RYR2: variants seen among roughly 807,000 people sequenced by gnomAD.
RYR2 encodes the protein cardiac muscle ryanodine receptor-calcium release channel.
A neutral mutation model predicts 601.1 loss-of-function variants in RYR2; 227 were observed. That is an observed-to-expected ratio of 0.38 (90% CI 0.34 to 0.42). The LOEUF (loss-of-function observed/expected upper bound fraction) is 0.42. RYR2 is among the 10% of genes least tolerant of loss of function. RYR2 has a pLI of 1.00. For missense variants in RYR2, 4,646 were observed against 6,156.5 expected, an observed-to-expected ratio of 0.75 and a Z score of 8.21; for synonymous variants, 2,223 against 2,175.1, an observed-to-expected ratio of 1.02 and a Z score of -0.61.
intron 101 of RYR2, among the ~76,000 whole-genome samples, chr1:237,820,189 A>T (rs1242021795): frequency 1.4e-5 from 1 of 73,192 alleles, no homozygotes; most frequent in Admixed American, 1.3e-4. Context: ...CTCCATCTCA[A>T]AAAAAAAAAA....
At position 237,635,606 on chromosome 1, in the gene RYR2, T is replaced by G. The variant is rs572256811; in HGVS notation, c.6792+614T>G. Reference sequence around the variant, plus strand: ...CATTCCAAGTAGTCACCTGATTTTTTTTCCTTGCTCACCTGGCATCTGTTC... The same window carrying G: ...CATTCCAAGTAGTCACCTGATTTTTGTTCCTTGCTCACCTGGCATCTGTTC... On this transcript the variant is annotated intron_variant, in intron 44 of 104. Transcript: ENST00000366574. Among the ~76,000 whole-genome samples the G allele has an allele frequency of 6.6e-4, 101 of 152,316 alleles. 1 individual carries two copies. The highest frequency in any genetic ancestry group is 2.2e-3 in the African/African-American group (90 of 41,566).
In RYR2 at chr1:237,386,246, G is replaced by C. The variant is rs1255174552; in HGVS notation, c.577-1035G>C. On this transcript the variant is annotated intron_variant, in intron 8 of 104. Coordinates refer to ENST00000366574, the MANE Select transcript of RYR2 (RefSeq NM_001035.3). ...ATATCACAATGTTTAAAGTTTCTTT[G>C]GTTTTATTTTTAAGAGAAAGAGAGT... 2.0e-5 allele frequency among the ~76,000 whole-genome samples: 3 copies of C among 152,072 alleles called. No homozygotes were observed. The East Asian group carries it at 5.8e-4, about 29-fold the overall frequency.
chr1:237,322,188 C>T (rs955191688), intron 2 of RYR2, among the ~76,000 whole-genome samples: 7 of 152,150 alleles, frequency 4.6e-5, no homozygotes, highest in African/African-American at 1.7e-4. Context: ...CACCTGCAAA[C>T]AGTGAGATGG....
At chr1:237,051,796 C>A (rs1229970919) in intron 1 of RYR2, among the ~76,000 whole-genome samples, 1 of 152,122 alleles carries the variant, frequency 6.6e-6, no homozygotes, top group Non-Finnish European at 1.5e-5. Context: ...GGCAGTGGAG[C>A]GACAGTTTCA....
At chr1:237,416,759 C>CAGAGAGAGAGAGAGAGAG (rs5781955) in intron 10 of RYR2, among the ~76,000 whole-genome samples, 2 of 138,914 alleles carry the variant, frequency 1.4e-5, no homozygotes, top group African/African-American at 5.6e-5. Flanking sequence ...AACACACACA[C>CAGAGAGAGAGAGAGAGAG]ACACAGAGAG....
At chr1:237,071,959 G>A (rs1014687939) in intron 1 of RYR2, among the ~76,000 whole-genome samples, 5 of 152,242 alleles carry the variant, frequency 3.3e-5, no homozygotes, top group South Asian at 4.1e-4. Flanking sequence ...GCCCGGGCTC[G>A]GCTTCTACTT....
chr1:237,803,501 C>T lies in RYR2; in HGVS notation c.14151+1585C>T, dbSNP rs538680895. On this transcript the variant is annotated intron_variant, in intron 98 of 104. Transcript: ENST00000366574. ...ACTTTTAGTAGAGACGGGGTTTCAC[C>T]ATGTTAGCCAGGATGGTCTCGATCT... Among the ~76,000 whole-genome samples, 173 of 152,170 alleles carry T rather than the reference C, an allele frequency of 1.1e-3. 1 individual carries two copies. The highest frequency in any genetic ancestry group is 2.9e-3 in the African/African-American group (122 of 41,528).
At chr1:237,240,361 T>G (rs1478201419) in intron 1 of RYR2, among the ~76,000 whole-genome samples, 1 of 152,136 alleles carries the variant, frequency 6.6e-6, no homozygotes, top group Non-Finnish European at 1.5e-5. Flanking sequence ...TTGTGACCCT[T>G]GGTTTATATA....
At chr1:237,077,535 T>C (rs1665124670) in intron 1 of RYR2, among the ~76,000 whole-genome samples, 1 of 129,110 alleles carries the variant, frequency 7.7e-6, no homozygotes, top group South Asian at 2.9e-4. Flanking sequence ...AAGAAGGCCA[T>C]TACATAATGG....
intron 2 of RYR2, among the ~76,000 whole-genome samples, chr1:237,324,965 T>A (rs1184596928): frequency 6.6e-6 from 1 of 152,248 alleles, no homozygotes; most frequent in Non-Finnish European, 1.5e-5. Flanking sequence ...GGGCTCTAAC[T>A]GCCTGTATCC....
Position 237,674,140 on chromosome 1 carries a change from G to T in RYR2, c.8635G>T (p.Ala2879Ser). 1.2e-6 allele frequency: 2 copies of T among 1,611,964 alleles called. No homozygotes were observed. Among genetic ancestry groups the T allele is most frequent in the Non-Finnish European group, 1.7e-6 (2 of 1,178,178 alleles). Residue 2879 changes from alanine (A) to serine (S), a missense_variant, in exon 59 of 105, where the codon GCC (alanine) becomes TCC (serine). By Grantham distance (99) the Ala-to-Ser change is moderately conservative (BLOSUM62 1). Around this residue, in one of 17 missense-constraint regions of RYR2, gnomAD observed 1,497 missense variants for 1,842.6 expected, o/e 0.81. Coordinates refer to ENST00000366574, the MANE Select transcript of RYR2 (RefSeq NM_001035.3). The part of the protein sequence containing the change: ...PLLVPYDTLT[A>S]KEKAKDREKA... ...GCTGGTGCCCTATGATACACTGACA[G>T]CCAAAGAGAAAGCCAAGGATAGAGA...
intron 27 of RYR2, among the ~76,000 whole-genome samples, chr1:237,554,682 T>A (rs1572853460): frequency 6.6e-6 from 1 of 152,110 alleles, no homozygotes; most frequent in Non-Finnish European, 1.5e-5. Flanking sequence ...TATTTAGATT[T>A]TCTATTTATT....
At chr1:237,814,554 A>AT (rs3835531) in intron 100 of RYR2, among the ~76,000 whole-genome samples, 42,691 of 145,510 alleles carry the variant, frequency 0.29, 6,519 homozygotes, top group East Asian at 0.61. Context: ...TCACAGGGGG[A>AT]TTTTTTTTTT....
At chr1:237,240,488 G>A (rs1027875848) in intron 1 of RYR2, among the ~76,000 whole-genome samples, 2 of 151,820 alleles carry the variant, frequency 1.3e-5, no homozygotes, top group Non-Finnish European at 2.9e-5. Flanking sequence ...GTTTCTCACT[G>A]GCTTAGTGGC....
chr1:237,729,435 T>A (rs1365359861), intron 76 of RYR2, among the ~76,000 whole-genome samples: 1 of 152,154 alleles, frequency 6.6e-6, no homozygotes, highest in Non-Finnish European at 1.5e-5. Flanking sequence ...TCCGGCTGCG[T>A]TGGCAGTTGC....
Position 237,645,962 on chromosome 1 carries a change from C to G in RYR2, c.7343-2482C>G, listed in dbSNP as rs369505098. On this transcript the variant is annotated intron_variant, in intron 48 of 104. Transcript: ENST00000366574. The stretch of plus-strand genomic sequence containing the variant: ...CGCAGTCTTGGCTCACTGCAAGCTC[C>G]GCCTCCCGGGTTCACGCCATTCTCC... Among the ~76,000 whole-genome samples, 579 of 151,044 alleles carry G rather than the reference C, an allele frequency of 3.8e-3. 10 individuals are homozygous for G. Among genetic ancestry groups the G allele is most frequent in the African/African-American group, 0.014 (559 of 41,228 alleles).
intron 1 of RYR2, among the ~76,000 whole-genome samples, chr1:237,143,406 A>G (rs550399972): frequency 6.6e-6 from 1 of 152,232 alleles, no homozygotes; most frequent in South Asian, 2.1e-4. Context: ...TGTCTTTCCA[A>G]TGTAGACCCT....
intron 22 of RYR2, 92 bp downstream of exon 22, chr1:237,503,597 A>T: frequency 3.4e-6 from 4 of 1,192,858 alleles, no homozygotes; most frequent in Non-Finnish European, 4.9e-6. Flanking sequence ...ATAGGAACGA[A>T]TTTCACAGTA....
chr1:237,090,203 C>A (rs184343133), intron 1 of RYR2, among the ~76,000 whole-genome samples: 7 of 152,304 alleles, frequency 4.6e-5, no homozygotes, highest in South Asian at 2.1e-4. Context: ...ATGGGAACTA[C>A]AATTCAAGGT....
Sources: allele counts gnomAD v4.1 joint callset (sites outside exome capture counted in the v4.1 genomes callset), GRCh38; gene constraint gnomAD v4.1.1; regional missense constraint gnomAD v4.1.1; transcripts MANE v1.5; gene names NCBI Gene and HGNC (gene_info 2026-07-23, HGNC 2026-07-21).